Variants in FALEC observed in about 807,000 individuals in gnomAD.
FALEC encodes focally amplified lncRNA regulator of ECM1, also known as focally amplified lncRNA on chromosome 1.
the FALEC span, among the ~76,000 whole-genome samples, chr1:150,525,830 C>A: frequency 1.3e-5 from 2 of 152,090 alleles, no homozygotes; most frequent in Non-Finnish European, 2.9e-5. Context: ...TTTGTAGAGA[C>A]AGAGGTCTTG....
At chr1:150,516,557 G>A (rs778889322) in intron 1 of FALEC, among the ~76,000 whole-genome samples, 9 of 152,240 alleles carry the variant, frequency 5.9e-5, no homozygotes, top group Non-Finnish European at 1.3e-4. Context: ...GATAGAGCCT[G>A]GAAGCACGGG....
At chr1:150,528,867 G>C in the FALEC span, among the ~76,000 whole-genome samples, 1 of 151,792 alleles carries the variant, frequency 6.6e-6, no homozygotes, top group African/African-American at 2.4e-5. Context: ...GATTACAGGC[G>C]TGAGCCACTG....
At chr1:150,522,968 TATATATATATATA>T (rs1670674338), downstream of FALEC, among the ~76,000 whole-genome samples, 5 of 47,636 alleles carry the variant, frequency 1.0e-4, no homozygotes, top group East Asian at 3.5e-4. Flanking sequence ...TATATATATA[TATATATATATATA>T]TATTTTTTTT....
chr1:150,530,137 C>T, the FALEC span, among the ~76,000 whole-genome samples: 1 of 152,150 alleles, frequency 6.6e-6, no homozygotes, highest in Non-Finnish European at 1.5e-5. Context: ...GCCTGGACTG[C>T]ACCACCTCAG....
chr1:150,536,632 T>G, the FALEC span, among the ~76,000 whole-genome samples: 3 of 152,070 alleles, frequency 2.0e-5, no homozygotes, highest in Admixed American at 6.6e-5. Flanking sequence ...CTACAAAAAA[T>G]TAAAAATATT....
chr1:150,530,639 A>T, the FALEC span, among the ~76,000 whole-genome samples: 1 of 152,196 alleles, frequency 6.6e-6, no homozygotes, highest in Non-Finnish European at 1.5e-5. Context: ...TGAAGCCGTC[A>T]CAACCCAGCA....
At chr1:150,523,889 G>A in the FALEC span, among the ~76,000 whole-genome samples, 1 of 152,094 alleles carries the variant, frequency 6.6e-6, no homozygotes, top group Non-Finnish European at 1.5e-5. Context: ...GCATCACAAA[G>A]TAGGCAGAAT....
downstream of FALEC, among the ~76,000 whole-genome samples, chr1:150,520,783 CTTTTTTTTT>C (rs71086518): frequency 2.0e-3 from 87 of 42,824 alleles, no homozygotes; most frequent in South Asian, 0.024. Context: ...CTTTTCTTTT[CTTTTTTTTT>C]TTTTTTTTTT....
the FALEC span, among the ~76,000 whole-genome samples, chr1:150,526,846 G>C: frequency 6.6e-6 from 1 of 151,646 alleles, no homozygotes; most frequent in Non-Finnish European, 1.5e-5. Flanking sequence ...ATGTTAGCCA[G>C]GATGGTCTCG....
the FALEC span, among the ~76,000 whole-genome samples, chr1:150,526,315 A>T: frequency 6.9e-6 from 1 of 144,722 alleles, no homozygotes; most frequent in South Asian, 2.1e-4. Flanking sequence ...ATGCCACTGC[A>T]CTCCAGCCTG....
At chr1:150,526,071 G>GT in the FALEC span, among the ~76,000 whole-genome samples, 13 of 151,756 alleles carry the variant, frequency 8.6e-5, no homozygotes, top group East Asian at 1.2e-3. Context: ...TTTTTAAAAA[G>GT]TTTTTTTTTG....
chr1:150,535,523 C>A, the FALEC span, among the ~76,000 whole-genome samples: 1 of 152,234 alleles, frequency 6.6e-6, no homozygotes, highest in Non-Finnish European at 1.5e-5. Flanking sequence ...GGATTACACG[C>A]GTGAGCCACC....
At chr1:150,527,840 G>T in the FALEC span, among the ~76,000 whole-genome samples, 2 of 152,002 alleles carry the variant, frequency 1.3e-5, no homozygotes, top group South Asian at 2.1e-4. Context: ...ACGTAGCAAG[G>T]CTCCATCTCA....
chr1:150,526,399 A>G, the FALEC span, among the ~76,000 whole-genome samples: 19 of 150,474 alleles, frequency 1.3e-4, no homozygotes, highest in East Asian at 5.9e-4. Flanking sequence ...GGGTCTCGCT[A>G]TGTCGCCCAG....
chr1:150,531,236 T>C, the FALEC span, among the ~76,000 whole-genome samples: 1 of 152,226 alleles, frequency 6.6e-6, no homozygotes, highest in Non-Finnish European at 1.5e-5. Flanking sequence ...GGCTCATGCC[T>C]GTAATCCCAG....
At chr1:150,528,319 T>G in the FALEC span, among the ~76,000 whole-genome samples, 1 of 152,206 alleles carries the variant, frequency 6.6e-6, no homozygotes, top group Non-Finnish European at 1.5e-5. Context: ...TTCTTGATAT[T>G]GTGAAGCCTC....
the FALEC span, among the ~76,000 whole-genome samples, chr1:150,528,761 G>C: frequency 9.3e-5 from 14 of 151,316 alleles, no homozygotes; most frequent in Non-Finnish European, 1.8e-4. Context: ...ATTTTCTTTC[G>C]TATTTTTAGT....
At chr1:150,531,441 C>T in the FALEC span, among the ~76,000 whole-genome samples, 8 of 152,014 alleles carry the variant, frequency 5.3e-5, no homozygotes, top group African/African-American at 1.7e-4. Flanking sequence ...CGCCACTGCA[C>T]TCCAGCCTGG....
downstream of FALEC, chr1:150,518,129 A>G (rs1670594760): frequency 6.6e-6 from 1 of 152,198 alleles, no homozygotes. Context: ...TGGTAGGTAT[A>G]TGGTTGTTTA....
Sources: allele counts gnomAD v4.1 joint callset (sites outside exome capture counted in the v4.1 genomes callset), GRCh38; gene constraint gnomAD v4.1.1; transcripts MANE v1.5; gene names NCBI Gene and HGNC (gene_info 2026-07-23, HGNC 2026-07-21).